Variants in COL25A1 observed in about 807,000 individuals in gnomAD.
The protein encoded by COL25A1 is collagen alpha-1(XXV) chain.
In COL25A1, 103 loss-of-function variants were observed where a neutral mutation model predicts 128.4. The ratio of observed to expected loss-of-function variants is 0.80; its 90% CI spans 0.68 to 0.94. COL25A1 has a LOEUF of 0.94. Among genes scored for constraint, COL25A1 ranks in the 40% least tolerant of loss-of-function variants. The pLI, the probability that COL25A1 is intolerant of heterozygous loss-of-function variation, is 0.00. For synonymous variants in COL25A1, 279 were observed against 277.2 expected, an observed-to-expected ratio of 1.01 and a Z score of -0.06; for missense variants, 745 against 840.0, an observed-to-expected ratio of 0.89 and a Z score of 1.40.
intron 3 of COL25A1, among the ~76,000 whole-genome samples, chr4:109,262,715 A>G (rs1781534896): frequency 6.6e-6 from 1 of 152,252 alleles, no homozygotes; most frequent in Non-Finnish European, 1.5e-5. Flanking sequence ...AAAAGTCACA[A>G]TATAGACAAA....
intron 28 of COL25A1, among the ~76,000 whole-genome samples, chr4:108,845,762 T>C (rs1230492223): frequency 6.6e-6 from 1 of 152,204 alleles, no homozygotes; most frequent in African/African-American, 2.4e-5. Context: ...GAGGACACTT[T>C]CCAGAGTAAT....
At chr4:108,878,017 C>G (rs1449085562) in intron 19 of COL25A1, among the ~76,000 whole-genome samples, 1 of 152,058 alleles carries the variant, frequency 6.6e-6, no homozygotes, top group Non-Finnish European at 1.5e-5. Context: ...GATTACTAGT[C>G]AATGTAAGAA....
At chr4:109,136,377 C>CA (rs1005193418) in intron 3 of COL25A1, among the ~76,000 whole-genome samples, 5 of 151,974 alleles carry the variant, frequency 3.3e-5, no homozygotes, top group Non-Finnish European at 7.4e-5. Flanking sequence ...CCATGCTGGG[C>CA]AAAAAGAGCA....
intron 5 of COL25A1, chr4:109,022,065 C>T: frequency 2.4e-6 from 1 of 420,800 alleles, no homozygotes; most frequent in Admixed American, 2.6e-5. Flanking sequence ...CCCCTTGAAG[C>T]ATGTGATCTT....
At chr4:109,063,097 G>A (rs1762111872) in intron 3 of COL25A1, among the ~76,000 whole-genome samples, 2 of 152,208 alleles carry the variant, frequency 1.3e-5, no homozygotes, top group South Asian at 2.1e-4. Flanking sequence ...AAAGAACAAT[G>A]TTAGCCAATA....
chr4:108,852,836 T>G, intron 25 of COL25A1, 66 bp downstream of exon 25: 2 of 1,271,344 alleles, frequency 1.6e-6, no homozygotes, highest in South Asian at 1.3e-5. Flanking sequence ...TAGTACCATT[T>G]TGGCTGGCAT....
intron 6 of COL25A1, among the ~76,000 whole-genome samples, chr4:108,991,813 T>C (rs1754258912): frequency 6.6e-6 from 1 of 152,094 alleles, no homozygotes; most frequent in Non-Finnish European, 1.5e-5. Context: ...TTCTAAAGTG[T>C]TAGGTTAGAA....
At chr4:109,117,960 T>C (rs987339537) in intron 3 of COL25A1, among the ~76,000 whole-genome samples, 2 of 150,600 alleles carry the variant, frequency 1.3e-5, no homozygotes, top group South Asian at 2.1e-4. Flanking sequence ...AGGAAGAAAA[T>C]GGAATGATAT....
At chr4:109,046,673 A>G (rs1446088545) in intron 5 of COL25A1, among the ~76,000 whole-genome samples, 1 of 152,218 alleles carries the variant, frequency 6.6e-6, no homozygotes, top group African/African-American at 2.4e-5. Context: ...TTCTAACATG[A>G]TTAATGTTCC....
intron 8 of COL25A1, among the ~76,000 whole-genome samples, chr4:108,960,810 G>A (rs944292921): frequency 6.6e-6 from 1 of 152,070 alleles, no homozygotes; most frequent in Non-Finnish European, 1.5e-5. Flanking sequence ...TTGAAAACGT[G>A]TGTGGACTCT....
At chr4:109,078,214 T>G (rs1286796294) in intron 3 of COL25A1, among the ~76,000 whole-genome samples, 4 of 152,180 alleles carry the variant, frequency 2.6e-5, no homozygotes, top group Admixed American at 2.6e-4. Context: ...TTTCCTAGAA[T>G]GTGTTGAAGG....
chr4:109,095,940 T>G (rs1053618279), intron 3 of COL25A1, among the ~76,000 whole-genome samples: 6 of 152,156 alleles, frequency 3.9e-5, no homozygotes, highest in African/African-American at 1.4e-4. Context: ...ATTTGGTCTT[T>G]GCACACTCAA....
At chr4:108,922,836 T>C (rs547955853) in intron 11 of COL25A1, among the ~76,000 whole-genome samples, 1 of 152,296 alleles carries the variant, frequency 6.6e-6, no homozygotes, top group Admixed American at 6.5e-5. Flanking sequence ...GGAATACATG[T>C]CTTATAGAAT....
At chr4:108,986,496 T>C (rs1335332840) in intron 6 of COL25A1, among the ~76,000 whole-genome samples, 1 of 152,164 alleles carries the variant, frequency 6.6e-6, no homozygotes, top group African/African-American at 2.4e-5. Flanking sequence ...TAACCTGTAG[T>C]TTAAATAAAA....
At chr4:108,951,232 A>G (rs1749382534) in intron 8 of COL25A1, among the ~76,000 whole-genome samples, 1 of 152,172 alleles carries the variant, frequency 6.6e-6, no homozygotes, top group Non-Finnish European at 1.5e-5. Flanking sequence ...TTTTTATACA[A>G]CGAAGGTGCC....
intron 14 of COL25A1, among the ~76,000 whole-genome samples, chr4:108,900,263 A>G (rs775465080): frequency 2.0e-5 from 3 of 152,146 alleles, no homozygotes; most frequent in Non-Finnish European, 4.4e-5. Flanking sequence ...AGAAAGAGAG[A>G]GAAGAAGACA....
intron 5 of COL25A1, among the ~76,000 whole-genome samples, chr4:109,012,618 T>C (rs3096498): frequency 0.51 from 77,680 of 151,934 alleles, 22,594 homozygotes; most frequent in African/African-American, 0.78. Flanking sequence ...GCTTAGCACC[T>C]GGGCCAGCAG....
rs531958322 is a variant in COL25A1 at position 109,127,343 on chromosome 4, T to C, written c.368-77164A>G. Among the ~76,000 whole-genome samples the C allele has an allele frequency of 3.3e-5, 5 of 152,254 alleles. No individual in the cohort carries two copies. In the South Asian group the frequency reaches 8.3e-4, roughly 25 times the overall value. On this transcript the variant is annotated intron_variant, in intron 3 of 37. Transcript: ENST00000399132. ...ACTCAAGGAAGAGATTAATTATCAA[T>C]GTATAAGTAAATTCTAGTTGCAACA... is the stretch of plus-strand genomic sequence containing the variant.
intron 3 of COL25A1, among the ~76,000 whole-genome samples, chr4:109,288,814 A>G (rs189046057): frequency 1.3e-5 from 2 of 152,230 alleles, no homozygotes; most frequent in Admixed American, 1.3e-4. Context: ...TAAAGTATAT[A>G]AAGTCCAAAC....
Sources: allele counts gnomAD v4.1 joint callset (sites outside exome capture counted in the v4.1 genomes callset), GRCh38; gene constraint gnomAD v4.1.1; transcripts MANE v1.5; gene names NCBI Gene and HGNC (gene_info 2026-07-23, HGNC 2026-07-21).